The following RASGRF2 variants were observed in gnomAD, a reference collection of about 807,000 sequenced individuals.
RASGRF2 encodes Ras protein specific guanine nucleotide releasing factor 2, also known as ras-specific guanine nucleotide-releasing factor 2.
Under a neutral mutation model 151.0 loss-of-function variants are expected in RASGRF2, and 76 were observed. The ratio of observed to expected loss-of-function variants is 0.50; its 90% CI spans 0.42 to 0.61. The LOEUF is 0.61. Among genes scored for constraint, RASGRF2 ranks in the 20% least tolerant of loss-of-function variants. The probability of loss-of-function intolerance (pLI) is 0.00; values close to 1 mark genes in which losing one functional copy is unlikely to be tolerated. For missense variants in RASGRF2, 1,148 were observed against 1,564.6 expected, an observed-to-expected ratio of 0.73 and a Z score of 4.49; for synonymous variants, 504 against 566.5, an observed-to-expected ratio of 0.89 and a Z score of 1.57.
At chr5:81,119,977 G>T (rs188370181) in intron 15 of RASGRF2, among the ~76,000 whole-genome samples, 148 of 152,182 alleles carry the variant, frequency 9.7e-4, no homozygotes, top group African/African-American at 3.5e-3. Context: ...GTCCAAGATT[G>T]TATGTATCTA....
chr5:80,988,971 C>T (rs1748560658), intron 1 of RASGRF2, among the ~76,000 whole-genome samples: 1 of 151,628 alleles, frequency 6.6e-6, no homozygotes, highest in Non-Finnish European at 1.5e-5. Context: ...GAAAGTTGAG[C>T]ATCATAATTG....
chr5:81,154,822 A>G lies in RASGRF2; in HGVS notation c.2687-25353A>G, dbSNP rs372821181. 9.9e-5 allele frequency among the ~76,000 whole-genome samples: 15 copies of G among 152,278 alleles called. No individual in the cohort carries two copies. In the South Asian group the frequency reaches 3.1e-3, roughly 32 times the overall value. On this transcript the variant is annotated intron_variant, in intron 17 of 26. Coordinates refer to ENST00000265080, the MANE Select transcript of RASGRF2 (RefSeq NM_006909.3). ...CACAGTAATGGGGTTGCTGGACCAT[A>G]TGGTAGTTCTATTTTTGATATTTTG...
chr5:81,030,912 G>A (rs1186508097), intron 1 of RASGRF2, among the ~76,000 whole-genome samples: 13 of 152,134 alleles, frequency 8.5e-5, no homozygotes, highest in South Asian at 4.1e-4. Context: ...CCCATCTCAC[G>A]TGCAGAGACA....
chr5:81,223,628 G>A (rs547958901), intron 26 of RASGRF2, among the ~76,000 whole-genome samples: 34 of 151,576 alleles, frequency 2.2e-4, no homozygotes, highest in African/African-American at 6.1e-4. Context: ...GCGACAGAGC[G>A]AGACTCCGTC....
chr5:80,997,296 T>C (rs1395219638), intron 1 of RASGRF2: 1 of 152,240 alleles, frequency 6.6e-6, no homozygotes, highest in African/African-American at 2.4e-5. Context: ...AATTAGAATG[T>C]CTTCACTAAG....
chr5:81,135,079 G>A (rs1432937217), intron 17 of RASGRF2, among the ~76,000 whole-genome samples: 1 of 152,002 alleles, frequency 6.6e-6, no homozygotes, highest in East Asian at 1.9e-4. Context: ...GGCCAAGGTG[G>A]GAGGATTGCT....
intron 18 of RASGRF2, among the ~76,000 whole-genome samples, chr5:81,195,066 C>A (rs1038080232): frequency 6.6e-6 from 1 of 152,224 alleles, no homozygotes; most frequent in Admixed American, 6.5e-5. Context: ...TTGATAACTT[C>A]AATAAGTACC....
chr5:81,107,477 A>G (rs1377542507), intron 12 of RASGRF2, among the ~76,000 whole-genome samples: 3 of 152,212 alleles, frequency 2.0e-5, no homozygotes, highest in African/African-American at 7.2e-5. Flanking sequence ...ACCAGGATTA[A>G]TTGACTTTCT....
At chr5:81,224,210 A>C (rs1005347401) in intron 26 of RASGRF2, among the ~76,000 whole-genome samples, 1 of 152,238 alleles carries the variant, frequency 6.6e-6, no homozygotes, top group Non-Finnish European at 1.5e-5. Flanking sequence ...TAAATGCTCA[A>C]CTTCACTAGT....
At chr5:81,131,465 C>T (rs185152665) in intron 17 of RASGRF2, among the ~76,000 whole-genome samples, 541 of 152,200 alleles carry the variant, frequency 3.6e-3, no homozygotes, top group African/African-American at 0.012. Context: ...AGCGATTCTC[C>T]TGTCTCAGCC....
At chr5:81,070,360 AAG>A in intron 3 of RASGRF2, 130 bp from the exon 4 acceptor site, 1 of 700,654 alleles carries the variant, frequency 1.4e-6, no homozygotes. Flanking sequence ...GCACCAAAGG[AAG>A]AGAGTGTGCA....
chr5:81,076,040 G>A (rs1751926260), intron 5 of RASGRF2, among the ~76,000 whole-genome samples: 1 of 152,096 alleles, frequency 6.6e-6, no homozygotes, highest in African/African-American at 2.4e-5. Context: ...AAAGCAAGAG[G>A]GAACCAACAA....
chr5:80,973,329 C>A (rs1306192031), intron 1 of RASGRF2, among the ~76,000 whole-genome samples: 1 of 152,218 alleles, frequency 6.6e-6, no homozygotes, highest in African/African-American at 2.4e-5. Context: ...AGACAAAAGT[C>A]ATGATGTTCT....
In RASGRF2 at chr5:81,154,467, C is replaced by T. The variant is rs368312906; in HGVS notation, c.2687-25708C>T. Among the ~76,000 whole-genome samples the T allele has an allele frequency of 1.2e-3, 186 of 152,206 alleles. 4 individuals are homozygous for T. Among genetic ancestry groups the T allele is most frequent in the African/African-American group, 4.3e-3 (178 of 41,522 alleles). On this transcript the variant is annotated intron_variant, in intron 17 of 26. Coordinates refer to ENST00000265080, the MANE Select transcript of RASGRF2 (RefSeq NM_006909.3). ...CTGGTCTCAAACTCCTGGTCTCAAG[C>T]GATCCTCCCGCTTTGGCCTTCCAAA...
At chr5:81,181,507 T>C (rs375251879) in intron 18 of RASGRF2, among the ~76,000 whole-genome samples, 27 of 152,228 alleles carry the variant, frequency 1.8e-4, no homozygotes, top group African/African-American at 5.8e-4. Flanking sequence ...CCTTAGTGCA[T>C]GAGAAATGTC....
At chr5:81,174,181 T>C (rs956377640) in intron 17 of RASGRF2, among the ~76,000 whole-genome samples, 2 of 152,016 alleles carry the variant, frequency 1.3e-5, no homozygotes, top group African/African-American at 2.4e-5. Flanking sequence ...ACCTGAGAGG[T>C]TGAAACCATG....
chr5:81,051,689 T>C (rs1748241600), intron 2 of RASGRF2, among the ~76,000 whole-genome samples: 2 of 152,260 alleles, frequency 1.3e-5, no homozygotes, highest in Admixed American at 6.5e-5. Flanking sequence ...TCTATTCCAC[T>C]GTATGGATAT....
At chr5:81,014,758 G>C (rs1204464739) in intron 1 of RASGRF2, among the ~76,000 whole-genome samples, 2 of 151,940 alleles carry the variant, frequency 1.3e-5, no homozygotes, top group African/African-American at 4.8e-5. Context: ...AGTTGCTCAG[G>C]GTATTCCAGT....
chr5:81,016,283 A>C (rs189818535), intron 1 of RASGRF2, among the ~76,000 whole-genome samples: 2 of 152,238 alleles, frequency 1.3e-5, no homozygotes, highest in Non-Finnish European at 2.9e-5. Flanking sequence ...TTAAGCCCCC[A>C]TGCAGCAAGC....
Sources: allele counts gnomAD v4.1 joint callset (sites outside exome capture counted in the v4.1 genomes callset), GRCh38; gene constraint gnomAD v4.1.1; transcripts MANE v1.5; gene names NCBI Gene and HGNC (gene_info 2026-07-23, HGNC 2026-07-21).